GRIP1: variants seen among roughly 807,000 people sequenced by gnomAD.
GRIP1 encodes glutamate receptor interacting protein 1.
GRIP1 carries 45 observed loss-of-function variants against 129.9 expected under a neutral mutation model. The ratio of observed to expected loss-of-function variants is 0.35; its 90% CI spans 0.27 to 0.44. The LOEUF is 0.44. GRIP1 is among the 20% of genes least tolerant of loss of function. The pLI is 1.00. For synonymous variants in GRIP1, 530 were observed against 520.8 expected (o/e 1.02, Z -0.24); for missense variants, 1,196 against 1,396.8 (o/e 0.86, Z 2.29).
chr12:66,762,746 C>A (rs2037514533), intron 1 of GRIP1, among the ~76,000 whole-genome samples: 1 of 152,152 alleles, frequency 6.6e-6, no homozygotes, highest in Admixed American at 6.5e-5. Flanking sequence ...TTAAAGGAGA[C>A]AGACATGAAC....
chr12:66,917,694 G>C (rs2041147441), intron 1 of GRIP1, among the ~76,000 whole-genome samples: 2 of 152,092 alleles, frequency 1.3e-5, no homozygotes, highest in Admixed American at 1.3e-4. Flanking sequence ...GACATTTAAA[G>C]AATGTTCTGA....
chr12:66,654,689 C>T (rs1406548930), intron 1 of GRIP1, among the ~76,000 whole-genome samples: 1 of 152,042 alleles, frequency 6.6e-6, no homozygotes, highest in Admixed American at 6.6e-5. Context: ...GAGAGGAGGG[C>T]TGTGGGGTCC....
intron 1 of GRIP1, among the ~76,000 whole-genome samples, chr12:67,026,770 A>G (rs1038692128): frequency 3.9e-5 from 6 of 152,230 alleles, no homozygotes; most frequent in Non-Finnish European, 8.8e-5. Flanking sequence ...CAGAAGCCCC[A>G]GAAAAATGGT....
At chr12:66,801,380 C>G (rs1054575741) in intron 1 of GRIP1, among the ~76,000 whole-genome samples, 1 of 152,110 alleles carries the variant, frequency 6.6e-6, no homozygotes, top group Admixed American at 6.5e-5. Flanking sequence ...TAAAATCATT[C>G]TATCATCATT....
intron 1 of GRIP1, among the ~76,000 whole-genome samples, chr12:66,902,706 T>A (rs907976496): frequency 1.3e-4 from 20 of 152,238 alleles, no homozygotes; most frequent in Admixed American, 1.0e-3. Flanking sequence ...AGTGACAATC[T>A]TCTGGGAAAA....
At chr12:66,641,262 G>T (rs2031898401) in intron 1 of GRIP1, among the ~76,000 whole-genome samples, 1 of 152,168 alleles carries the variant, frequency 6.6e-6, no homozygotes, top group Admixed American at 6.5e-5. Flanking sequence ...TGAGCACAAA[G>T]ATCTGCACAG....
At chr12:66,507,191 C>T (rs969291429) in intron 7 of GRIP1, among the ~76,000 whole-genome samples, 1 of 152,160 alleles carries the variant, frequency 6.6e-6, no homozygotes, top group Admixed American at 6.5e-5. Flanking sequence ...GTAATCCCAG[C>T]ACTTTGGGAG....
At chr12:66,420,415 GTT>G (rs71096102) in intron 15 of GRIP1, among the ~76,000 whole-genome samples, 15 of 127,884 alleles carry the variant, frequency 1.2e-4, no homozygotes, top group African/African-American at 2.1e-4. Flanking sequence ...TACTTTCAGG[GTT>G]TTTTTTTTTT....
chr12:66,366,841 G>A (rs1425610215), intron 23 of GRIP1, among the ~76,000 whole-genome samples: 1 of 125,118 alleles, frequency 8.0e-6, no homozygotes, highest in East Asian at 3.1e-4. Context: ...AAGCCACCAC[G>A]CCCGGCTAAT....
chr12:66,402,625 T>C (rs1441687542), intron 16 of GRIP1, among the ~76,000 whole-genome samples: 1 of 152,174 alleles, frequency 6.6e-6, no homozygotes, highest in Non-Finnish European at 1.5e-5. Context: ...CACTGAAGGA[T>C]GGAGAGCAGC....
At chr12:66,798,485 T>G (rs1286982316) in intron 1 of GRIP1, among the ~76,000 whole-genome samples, 1 of 152,198 alleles carries the variant, frequency 6.6e-6, no homozygotes, top group African/African-American at 2.4e-5. Flanking sequence ...GGCATAGGTT[T>G]ATTCAGTAAC....
chr12:67,032,371 T>C (rs1280423769), intron 1 of GRIP1, among the ~76,000 whole-genome samples: 1 of 152,226 alleles, frequency 6.6e-6, no homozygotes. Context: ...GCCTTTATGC[T>C]TCTTCCCCAA....
intron 1 of GRIP1, among the ~76,000 whole-genome samples, chr12:66,952,886 T>C (rs140793313): frequency 6.6e-6 from 1 of 152,306 alleles, no homozygotes; most frequent in Non-Finnish European, 1.5e-5. Flanking sequence ...TTTAGTCCAT[T>C]TTTATTGTGC....
At chr12:66,636,484 T>C (rs1372744408) in intron 1 of GRIP1, among the ~76,000 whole-genome samples, 1 of 152,172 alleles carries the variant, frequency 6.6e-6, no homozygotes, top group African/African-American at 2.4e-5. Flanking sequence ...AAAATCTAAC[T>C]TCTGACAATA....
intron 1 of GRIP1, among the ~76,000 whole-genome samples, chr12:66,874,500 A>C (rs2040349209): frequency 4.6e-5 from 7 of 152,042 alleles, no homozygotes; most frequent in African/African-American, 1.4e-4. Context: ...ATTTATAAAG[A>C]AAAGAGGTTT....
At chr12:66,949,062 A>T (rs2041714983) in intron 1 of GRIP1, among the ~76,000 whole-genome samples, 1 of 152,216 alleles carries the variant, frequency 6.6e-6, no homozygotes, top group Non-Finnish European at 1.5e-5. Context: ...ATTAGCCATT[A>T]TTTCCCATTT....
intron 9 of GRIP1, among the ~76,000 whole-genome samples, chr12:66,456,851 G>T (rs537467883): frequency 6.6e-6 from 1 of 152,038 alleles, no homozygotes; most frequent in Admixed American, 6.5e-5. Flanking sequence ...CATTTTAATT[G>T]CACTACAATC....
chr12:67,034,972 A>G (rs1315897447), intron 1 of GRIP1, among the ~76,000 whole-genome samples: 1 of 152,218 alleles, frequency 6.6e-6, no homozygotes, highest in Non-Finnish European at 1.5e-5. Context: ...AAAAGCACAA[A>G]TCCATTCACT....
At chr12:66,804,372 G>A (rs1312138793), upstream of GRIP1, among the ~76,000 whole-genome samples, 1 of 151,900 alleles carries the variant, frequency 6.6e-6, no homozygotes, top group Non-Finnish European at 1.5e-5. Context: ...AAATAATAGC[G>A]ATATGGGTTT....
Sources: allele counts gnomAD v4.1 joint callset (sites outside exome capture counted in the v4.1 genomes callset), GRCh38; gene constraint gnomAD v4.1.1; transcripts MANE v1.5; gene names NCBI Gene and HGNC (gene_info 2026-07-23, HGNC 2026-07-21).